Variants in ADAMTSL1 observed in about 807,000 individuals in gnomAD.
ADAMTSL1 encodes ADAMTS-like protein 1.
ADAMTSL1 carries 126 observed loss-of-function variants against 201.8 expected under a neutral mutation model. That is an observed-to-expected ratio of 0.62 (90% CI 0.54 to 0.72). The LOEUF is 0.72. ADAMTSL1 is among the 30% of genes least tolerant of loss of function. The pLI is 0.00. For synonymous variants in ADAMTSL1, 1,121 were observed against 903.4 expected (o/e 1.24, Z -4.32); for missense variants, 2,679 against 2,277.8 (o/e 1.18, Z -3.59).
intron 4 of ADAMTSL1, among the ~76,000 whole-genome samples, chr9:18,586,748 A>C (rs889996595): frequency 6.6e-6 from 1 of 152,180 alleles, no homozygotes; most frequent in Non-Finnish European, 1.5e-5. Flanking sequence ...AAGAACAGAC[A>C]CATAGACCAA....
intron 2 of ADAMTSL1, among the ~76,000 whole-genome samples, chr9:18,165,905 T>C (rs1018087771): frequency 8.6e-5 from 13 of 152,012 alleles, no homozygotes; most frequent in Admixed American, 2.0e-4. Context: ...CAAACATGAG[T>C]TGCTACTCGT....
At chr9:18,023,009 T>G (rs569758404) in intron 1 of ADAMTSL1, among the ~76,000 whole-genome samples, 2 of 152,250 alleles carry the variant, frequency 1.3e-5, no homozygotes, top group African/African-American at 4.8e-5. Context: ...TCCTGTGCCC[T>G]TAAACATTTT....
chr9:18,020,285 G>A (rs995829203), intron 1 of ADAMTSL1, among the ~76,000 whole-genome samples: 2 of 152,138 alleles, frequency 1.3e-5, no homozygotes, highest in South Asian at 2.1e-4. Context: ...AGGATTTAGC[G>A]ATTCAATTTT....
At chr9:18,074,757 AT>A (rs1823138819) in intron 1 of ADAMTSL1, among the ~76,000 whole-genome samples, 2 of 151,440 alleles carry the variant, frequency 1.3e-5, no homozygotes, top group Non-Finnish European at 2.9e-5. Context: ...GGCCCAACTA[AT>A]TTTTGTATTT....
chr9:18,872,703 T>C (rs1236543798), intron 23 of ADAMTSL1, among the ~76,000 whole-genome samples: 1 of 152,214 alleles, frequency 6.6e-6, no homozygotes, highest in Non-Finnish European at 1.5e-5. Context: ...TTCCATGGTA[T>C]ATGTATACAC....
intron 23 of ADAMTSL1, among the ~76,000 whole-genome samples, chr9:18,861,040 C>T (rs1317444799): frequency 6.6e-6 from 1 of 152,116 alleles, no homozygotes; most frequent in Non-Finnish European, 1.5e-5. Context: ...ATCATATACA[C>T]ATCCCTCATT....
intron 1 of ADAMTSL1, among the ~76,000 whole-genome samples, chr9:18,042,727 C>T (rs1821481272): frequency 1.3e-5 from 2 of 152,058 alleles, no homozygotes; most frequent in Non-Finnish European, 2.9e-5. Context: ...GGAAATTAAA[C>T]TCATGAAAGC....
chr9:18,546,095 C>T (rs543473531), intron 3 of ADAMTSL1, among the ~76,000 whole-genome samples: 149 of 152,196 alleles, frequency 9.8e-4, no homozygotes, highest in African/African-American at 3.4e-3. Context: ...TTATGTTTTC[C>T]TTTGCATTTT....
chr9:18,034,708 C>T (rs1332903504), intron 1 of ADAMTSL1, among the ~76,000 whole-genome samples: 1 of 152,144 alleles, frequency 6.6e-6, no homozygotes, highest in Non-Finnish European at 1.5e-5. Flanking sequence ...CTTACTTTCT[C>T]TACTCTGGCT....
rs1828857736 is a variant in ADAMTSL1, at chr9:18,886,173, TA to T, written c.4250-1657del. Among the ~76,000 whole-genome samples, 2 of 74,288 alleles carry T rather than the reference TA, an allele frequency of 2.7e-5. 1 individual carries two copies. The highest frequency in any genetic ancestry group is 6.1e-4 in the East Asian group (2 of 3,302). 48.7% of individuals were successfully genotyped at this position (74,288 alleles called of 152,430 possible). A position where few individuals can be genotyped will look rare whatever the true frequency, so the allele number is the denominator to read the frequency against. ...ACATGTGAGTGTGTATGTGTATATA[TA>T]TATATATATATATATATATATATAT... On this transcript the variant is annotated intron_variant, in intron 23 of 28. Transcript: ENST00000380548.
intron 4 of ADAMTSL1, among the ~76,000 whole-genome samples, chr9:18,603,739 C>A (rs1293855205): frequency 6.6e-6 from 1 of 152,042 alleles, no homozygotes; most frequent in African/African-American, 2.4e-5. Flanking sequence ...CCATTTGAAC[C>A]CTTTTAAGTA....
intron 10 of ADAMTSL1, among the ~76,000 whole-genome samples, chr9:18,679,581 A>G (rs1738062958): frequency 6.6e-6 from 1 of 152,212 alleles, no homozygotes; most frequent in Non-Finnish European, 1.5e-5. Flanking sequence ...TTCAGATGCC[A>G]TTAGCCTTCC....
At chr9:18,709,272 A>G (rs1832414526) in intron 14 of ADAMTSL1, among the ~76,000 whole-genome samples, 1 of 152,216 alleles carries the variant, frequency 6.6e-6, no homozygotes, top group African/African-American at 2.4e-5. Context: ...TATATTTTCA[A>G]GTCTTTGTTC....
At chr9:18,857,219 G>C (rs972277225) in intron 23 of ADAMTSL1, among the ~76,000 whole-genome samples, 2 of 152,102 alleles carry the variant, frequency 1.3e-5, no homozygotes, top group African/African-American at 4.8e-5. Context: ...TCATCCATTC[G>C]GGAGTAAGTT....
At chr9:18,732,028 G>C (rs1312253486) in intron 15 of ADAMTSL1, among the ~76,000 whole-genome samples, 1 of 152,124 alleles carries the variant, frequency 6.6e-6, no homozygotes, top group Non-Finnish European at 1.5e-5. Context: ...TTCCTTATCT[G>C]TAAAACAAAG....
chr9:18,862,453 G>C (rs889516488), intron 23 of ADAMTSL1, among the ~76,000 whole-genome samples: 5 of 152,184 alleles, frequency 3.3e-5, no homozygotes, highest in African/African-American at 4.8e-5. Flanking sequence ...TATTCATAGA[G>C]TCCGCAGGTT....
At chr9:17,964,252 C>T (rs1224084087) in intron 1 of ADAMTSL1, among the ~76,000 whole-genome samples, 2 of 152,144 alleles carry the variant, frequency 1.3e-5, no homozygotes, top group African/African-American at 4.8e-5. Context: ...TGCTGCCTTG[C>T]TCATAAGCTA....
Position 18,775,856 on chromosome 9 carries a change from C to G in ADAMTSL1, c.2511C>G (p.Phe837Leu). ...CCACCCTGTGCCCGCCCCTGCCTTT[C>G]TCTTCCTCCATCAGGCCCTGTATGC... ...VNSTLCPPLP[F>L]SSSIRPCMLA... The change falls in exon 18 of 29, where the codon TTC (phenylalanine) becomes TTG (leucine). Residue 837 changes from phenylalanine (F) to leucine (L), a missense_variant. Coordinates refer to ENST00000380548, the MANE Select transcript of ADAMTSL1 (RefSeq NM_001040272.6). 1 of 1,604,178 alleles carries G rather than the reference C, an allele frequency of 6.2e-7. No individual in the cohort carries two copies. The highest frequency in any genetic ancestry group is 8.5e-7 in the Non-Finnish European group (1 of 1,175,004).
chr9:18,486,763 A>G (rs17207339), intron 1 of ADAMTSL1, among the ~76,000 whole-genome samples: 16,576 of 152,178 alleles, frequency 0.11, 966 homozygotes, highest in Middle Eastern at 0.18. Context: ...TACCTCCCTC[A>G]TGTAACACAA....
Sources: allele counts gnomAD v4.1 joint callset (sites outside exome capture counted in the v4.1 genomes callset), GRCh38; gene constraint gnomAD v4.1.1; transcripts MANE v1.5; gene names NCBI Gene and HGNC (gene_info 2026-07-23, HGNC 2026-07-21).